FANCA: variants seen among roughly 807,000 people sequenced by gnomAD.
The protein encoded by FANCA is FA complementation group A.
A neutral mutation model predicts 194.3 loss-of-function variants in FANCA; 236 were observed. The observed-to-expected ratio is 1.21, with a 90% CI of 1.09 to 1.35. The LOEUF is 1.35. FANCA is among the 40% of genes most tolerant of loss of function. The probability of loss-of-function intolerance (pLI) is 0.00; values close to 1 mark genes in which losing one functional copy is unlikely to be tolerated. For missense variants in FANCA, 2,628 were observed against 1,813.9 expected (o/e 1.45, Z -8.15); for synonymous variants, 1,014 against 715.8 (o/e 1.42, Z -6.65).
intron 23 of FANCA, 82 bp from the exon 24 acceptor site, chr16:89,770,716 G>C (rs2039295189): frequency 8.1e-7 from 1 of 1,233,266 alleles, no homozygotes; most frequent in Non-Finnish European, 1.2e-6. Flanking sequence ...TCCCGCCACA[G>C]ACATCGCAAT....
chr16:89,802,202 C>G (rs1441553755), intron 8 of FANCA, among the ~76,000 whole-genome samples: 1 of 152,004 alleles, frequency 6.6e-6, no homozygotes, highest in Non-Finnish European at 1.5e-5. Context: ...CTCCTGGGTT[C>G]AAGCAATTCT....
chr16:89,793,677 C>T (rs2040152547), intron 11 of FANCA, among the ~76,000 whole-genome samples: 1 of 152,250 alleles, frequency 6.6e-6, no homozygotes, highest in South Asian at 2.1e-4. Context: ...ACCTCCCTGG[C>T]TCAAGCAATC....
chr16:89,791,775 C>T (rs534414519), intron 13 of FANCA, 152 bp downstream of exon 13: 40 of 1,085,724 alleles, frequency 3.7e-5, no homozygotes, highest in African/African-American at 9.4e-5. Context: ...AAGCGTCTGA[C>T]AAAGAATGTT....
intron 33 of FANCA, among the ~76,000 whole-genome samples, chr16:89,748,038 A>C (rs989544231): frequency 9.2e-5 from 14 of 152,262 alleles, no homozygotes; most frequent in African/African-American, 3.4e-4. Flanking sequence ...CAGCCTCTCA[A>C]GTAGGTGGGA....
At position 89,779,022 on chromosome 16, in the gene FANCA, G is replaced by C. The variant is rs372263763; in HGVS notation, c.1716-19C>G. On this transcript the variant is annotated intron_variant, in intron 18 of 42. Transcript: ENST00000389301. ...GAATATGCTGCAACACAGAGAAGCA[G>C]ACAGTGCATCAGTCAGAGCAGCGAG... 9.9e-6 allele frequency: 16 copies of C among 1,612,132 alleles called. No homozygotes were observed. The highest frequency in any genetic ancestry group is 1.3e-5 in the Non-Finnish European group (15 of 1,179,518).
intron 3 of FANCA, among the ~76,000 whole-genome samples, chr16:89,812,910 A>T (rs71396971): frequency 1.3e-5 from 2 of 150,152 alleles, no homozygotes; most frequent in Non-Finnish European, 3.0e-5. Context: ...GCGGGCACCT[A>T]TAATCCCAGC....
intron 2 of FANCA, 110 bp from the exon 3 acceptor site, chr16:89,814,723 A>C: frequency 1.3e-6 from 1 of 774,916 alleles, no homozygotes; most frequent in Non-Finnish European, 2.3e-6. Flanking sequence ...TGGGCAGATC[A>C]CGAGGTCAAG....
intron 36 of FANCA, chr16:89,744,538 C>T: frequency 3.3e-6 from 1 of 303,216 alleles, no homozygotes. Flanking sequence ...GCACGCGGTG[C>T]ACTCTAGGAG....
chr16:89,774,729 C>CAAAAAAAAAAAAAG (rs2039439877), intron 21 of FANCA, among the ~76,000 whole-genome samples: 1 of 22,200 alleles, frequency 4.5e-5, no homozygotes, highest in Non-Finnish European at 8.1e-5. Flanking sequence ...GACTCTGTCT[C>CAAAAAAAAAAAAAG]AAAAAAAAAA....
intron 2 of FANCA, among the ~76,000 whole-genome samples, chr16:89,815,406 G>A (rs1418128991): frequency 7.0e-6 from 1 of 143,130 alleles, no homozygotes; most frequent in Admixed American, 7.4e-5. Context: ...TGGATTGCAA[G>A]GGGCGTGATC....
intron 11 of FANCA, among the ~76,000 whole-genome samples, chr16:89,793,194 A>C (rs1294251975): frequency 1.3e-5 from 2 of 152,064 alleles, no homozygotes; most frequent in Non-Finnish European, 2.9e-5. Flanking sequence ...CGGTCTAAGT[A>C]GTGAGTGGTG....
intron 8 of FANCA, 23 bp downstream of exon 8, chr16:89,803,236 C>G (rs1641658644): frequency 6.2e-7 from 1 of 1,610,024 alleles, no homozygotes; most frequent in East Asian, 2.2e-5. Context: ...CCGCTAAACT[C>G]TTCACTTGAC....
intron 14 of FANCA, among the ~76,000 whole-genome samples, chr16:89,789,968 C>T (rs1228674360): frequency 5.3e-5 from 8 of 152,198 alleles, no homozygotes; most frequent in African/African-American, 1.4e-4. Flanking sequence ...CCCCTCCAGG[C>T]GAGTCTAATG....
At position 89,796,026 on chromosome 16, in the gene FANCA, T is replaced by C. The variant is rs11648881; in HGVS notation, c.894-8A>G. The C allele has an allele frequency of 0.079, 127,362 of 1,610,696 alleles. 6,090 individuals carry two copies. Among genetic ancestry groups the C allele is most frequent in the East Asian group, 0.18 (8,041 of 44,838 alleles). ...CCACTGAACACTCCGAACCTGCCAA[T>C]GCAGCAGAAAGAGGGGTCAGGAAAG... On this transcript the variant is annotated splice_region_variant and splice_polypyrimidine_tract_variant and intron_variant, in intron 10 of 42. Transcript: ENST00000389301.
intron 5 of FANCA, among the ~76,000 whole-genome samples, 164 bp from the exon 6 acceptor site, chr16:89,808,531 T>C (rs2040753750): frequency 6.6e-6 from 1 of 152,218 alleles, no homozygotes; most frequent in Admixed American, 6.5e-5. Flanking sequence ...ACACATCTTT[T>C]TTTACAAAGC....
chr16:89,753,189 GC>G (rs1016254054), intron 30 of FANCA, among the ~76,000 whole-genome samples: 1 of 152,192 alleles, frequency 6.6e-6, no homozygotes, highest in Non-Finnish European at 1.5e-5. Context: ...GCAGGGACGG[GC>G]CCCCTGTCCA....
chr16:89,749,578 G>C, intron 32 of FANCA, 152 bp downstream of exon 32: 2 of 986,544 alleles, frequency 2.0e-6, no homozygotes, highest in South Asian at 2.8e-5. Context: ...CTTCTCCGTG[G>C]CATGTGCCAC....
intron 15 of FANCA, among the ~76,000 whole-genome samples, chr16:89,784,405 A>G (rs1368263497): frequency 6.6e-6 from 1 of 151,092 alleles, no homozygotes; most frequent in Non-Finnish European, 1.5e-5. Context: ...AAACAAAAAA[A>G]AAACCCACAT....
chr16:89,738,499 A>C lies in FANCA; in HGVS notation c.*102T>G. 6.4e-7 allele frequency: 1 copy of C among 1,555,548 alleles called. No homozygotes were observed. Among genetic ancestry groups the C allele is most frequent in the South Asian group, 1.1e-5 (1 of 89,326 alleles). On this transcript the variant is annotated 3_prime_UTR_variant, in exon 43 of 43. Transcript: ENST00000389301. ...ATTCCTTTCCCCACTAAAGCAGTCG[A>C]GGAGATTTGTAATCCACTTTTTAGT... is the stretch of plus-strand genomic sequence containing the variant.
Sources: gnomAD v4.1 joint callset for allele counts (sites outside exome capture counted in the v4.1 genomes callset) on GRCh38, gnomAD v4.1.1 for gene constraint, MANE v1.5 for transcripts, NCBI Gene and HGNC (gene_info 2026-07-23, HGNC 2026-07-21) for gene names.